The following EEPD1 variants were observed in gnomAD, a reference collection of about 807,000 sequenced individuals.
EEPD1 encodes the protein endonuclease/exonuclease/phosphatase family domain-containing protein 1.
EEPD1 carries 17 observed loss-of-function variants against 46.3 expected under a neutral mutation model. The ratio of observed to expected loss-of-function variants is 0.37; its 90% CI spans 0.25 to 0.55. The LOEUF (loss-of-function observed/expected upper bound fraction) is 0.55. EEPD1 is among the 20% of genes least tolerant of loss of function. The pLI is 0.83. For synonymous variants in EEPD1, 313 were observed against 315.6 expected (o/e 0.99, Z 0.09); for missense variants, 673 against 745.6 (o/e 0.90, Z 1.13).
chr7:36,267,469 G>T (rs1047360975), intron 3 of EEPD1, among the ~76,000 whole-genome samples: 7 of 151,990 alleles, frequency 4.6e-5, no homozygotes, highest in African/African-American at 1.7e-4. Context: ...TGTCTGTGCT[G>T]CCTAGCATGC....
At chr7:36,232,042 T>G (rs987974682) in intron 2 of EEPD1, among the ~76,000 whole-genome samples, 2 of 152,318 alleles carry the variant, frequency 1.3e-5, no homozygotes, top group Admixed American at 6.5e-5. Context: ...TCCAAAGTTA[T>G]GAACAGCTCT....
At chr7:36,174,610 A>C (rs764544655) in intron 2 of EEPD1, among the ~76,000 whole-genome samples, 1 of 152,078 alleles carries the variant, frequency 6.6e-6, no homozygotes. Flanking sequence ...ATCAGTGTGT[A>C]TTTCCAGAGC....
chr7:36,293,198 A>T (rs1054359471), intron 6 of EEPD1, among the ~76,000 whole-genome samples: 1 of 152,234 alleles, frequency 6.6e-6, no homozygotes. Context: ...ATGTGGTGGT[A>T]AAGTGAAGAA....
intron 3 of EEPD1, among the ~76,000 whole-genome samples, chr7:36,277,028 AG>A (rs1395881102): frequency 1.3e-5 from 2 of 152,256 alleles, no homozygotes; most frequent in Non-Finnish European, 2.9e-5. Flanking sequence ...CAAAGCAAAA[AG>A]TGTGAGAACC....
intron 2 of EEPD1, among the ~76,000 whole-genome samples, chr7:36,207,700 C>T (rs1463363005): frequency 2.0e-5 from 3 of 152,144 alleles, no homozygotes; most frequent in Admixed American, 6.5e-5. Flanking sequence ...GTTTTGAAAT[C>T]TGCAGAATAT....
At chr7:36,278,302 T>A (rs1221737899) in intron 3 of EEPD1, among the ~76,000 whole-genome samples, 1 of 152,054 alleles carries the variant, frequency 6.6e-6, no homozygotes, top group Non-Finnish European at 1.5e-5. Context: ...AGGGTGGGGT[T>A]TGGGTATGAA....
chr7:36,182,623 C>A (rs1215649106), intron 2 of EEPD1, among the ~76,000 whole-genome samples: 1 of 152,278 alleles, frequency 6.6e-6, no homozygotes, highest in Non-Finnish European at 1.5e-5. Context: ...CCCCGCATGG[C>A]TTTCATCACA....
At chr7:36,207,120 A>C (rs1391384085) in intron 2 of EEPD1, among the ~76,000 whole-genome samples, 2 of 152,132 alleles carry the variant, frequency 1.3e-5, no homozygotes, top group African/African-American at 4.8e-5. Context: ...CTTTTGGCAA[A>C]AATTTATTGA....
chr7:36,219,591 A>G (rs968205099), intron 2 of EEPD1, among the ~76,000 whole-genome samples: 5 of 150,046 alleles, frequency 3.3e-5, no homozygotes, highest in Admixed American at 6.7e-5. Context: ...GAAGAAAAGA[A>G]GAAGAAGGAG....
At chr7:36,232,588 T>C (rs1311462007) in intron 2 of EEPD1, among the ~76,000 whole-genome samples, 1 of 150,856 alleles carries the variant, frequency 6.6e-6, no homozygotes, top group Non-Finnish European at 1.5e-5. Flanking sequence ...CTATTTGGTA[T>C]TGGTTTTAGA....
At chr7:36,223,030 A>C (rs1786172955) in intron 2 of EEPD1, among the ~76,000 whole-genome samples, 2 of 152,074 alleles carry the variant, frequency 1.3e-5, no homozygotes, top group South Asian at 4.1e-4. Flanking sequence ...GGGTGCCTGT[A>C]ATCCCAGCTA....
chr7:36,154,588 C>T lies in EEPD1; in HGVS notation c.264C>T (p.Ala88=). Residue 88 remains alanine (A), a synonymous_variant, in exon 2 of 8, where the codon GCC becomes GCT. Transcript: ENST00000242108. The surrounding 1 kb of genome is among the most constrained non-coding windows in gnomAD (Gnocchi z 4.2). ...TGGCATTGGTCAGTGGTGTAGGCGC[C>T]ACCAAGCTGGAGCAGGTCAAGTTTG... ...EDLALVSGVG[A]TKLEQVKFEI... 1 of 1,614,114 alleles carries T rather than the reference C, an allele frequency of 6.2e-7. No homozygotes were observed.
At chr7:36,280,852 G>C (rs1354798382) in intron 3 of EEPD1, among the ~76,000 whole-genome samples, 1 of 152,232 alleles carries the variant, frequency 6.6e-6, no homozygotes, top group African/African-American at 2.4e-5. Flanking sequence ...ATGCTACAGA[G>C]AGAATCAATT....
chr7:36,200,377 C>A (rs192308679), intron 2 of EEPD1, among the ~76,000 whole-genome samples: 182 of 152,230 alleles, frequency 1.2e-3, no homozygotes, highest in African/African-American at 4.3e-3. Flanking sequence ...ATTCAATCTG[C>A]CATTGATGGA....
At chr7:36,295,206 A>G (rs758402488) in intron 6 of EEPD1, among the ~76,000 whole-genome samples, 7 of 152,034 alleles carry the variant, frequency 4.6e-5, no homozygotes, top group Non-Finnish European at 1.0e-4. Flanking sequence ...ATATGTATAT[A>G]CAGCATGATC....
At chr7:36,169,797 T>G (rs1583784162) in intron 2 of EEPD1, among the ~76,000 whole-genome samples, 1 of 152,228 alleles carries the variant, frequency 6.6e-6, no homozygotes, top group Admixed American at 6.5e-5. Flanking sequence ...TGAGTCTGGC[T>G]GGAATGTTCT....
intron 2 of EEPD1, among the ~76,000 whole-genome samples, chr7:36,203,735 G>A (rs1785760339): frequency 1.3e-5 from 2 of 152,112 alleles, no homozygotes; most frequent in South Asian, 4.1e-4. Context: ...TCACTTTTTA[G>A]TTAGAAAAAG....
chr7:36,205,166 G>A (rs1325391962), intron 2 of EEPD1, among the ~76,000 whole-genome samples: 1 of 152,104 alleles, frequency 6.6e-6, no homozygotes, highest in Admixed American at 6.6e-5. Context: ...CAGGGAGGGG[G>A]GTCACCAGGA....
intron 2 of EEPD1, among the ~76,000 whole-genome samples, chr7:36,215,355 T>A (rs1786011504): frequency 6.6e-6 from 1 of 152,246 alleles, no homozygotes; most frequent in Admixed American, 6.5e-5. Flanking sequence ...CTGCTGCTGC[T>A]GCTTTTAAGG....
Sources: gnomAD v4.1 joint callset for allele counts (sites outside exome capture counted in the v4.1 genomes callset) on GRCh38, gnomAD v4.1.1 for gene constraint, Gnocchi (gnomAD v3.1) non-coding constraint, MANE v1.5 for transcripts, NCBI Gene and HGNC (gene_info 2026-07-23, HGNC 2026-07-21) for gene names.